Variants in ANO7 observed in about 807,000 individuals in gnomAD.
ANO7 encodes the protein anoctamin-7.
In ANO7, 114 loss-of-function variants were observed where a neutral mutation model predicts 115.8. The ratio of observed to expected loss-of-function variants is 0.98; its 90% confidence interval spans 0.85 to 1.15. The LOEUF is 1.15. Among genes scored for constraint, ANO7 ranks in the 50% most tolerant of loss-of-function variants. The pLI is 0.00. For missense variants in ANO7, 1,302 were observed against 1,201.2 expected, an observed-to-expected ratio of 1.08 and a Z score of -1.24; for synonymous variants, 550 against 498.2, an observed-to-expected ratio of 1.10 and a Z score of -1.38.
In ANO7 at chr2:241,218,260, T is replaced by C; in HGVS notation, c.2200T>C (p.Ser734Pro). Residue 734 changes from serine to proline, a missense_variant, in exon 21 of 25, where the codon TCC (serine) becomes CCC (proline). Physicochemically the swap from Ser to Pro is moderately conservative, Grantham distance 74. Coordinates refer to ENST00000674324, the MANE Select transcript of ANO7 (RefSeq NM_001370694.2). ...ISNAFLLAFS[S>P]DFLPRAYYRW... ...CCAGGCCTTCCTCCTGGCCTTCTCG[T>C]CCGACTTCCTGCCGCGCGCCTACTA... is the stretch of plus-strand genomic sequence containing the variant. The C allele has an allele frequency of 2.6e-6, 4 of 1,529,588 alleles. No individual in the cohort carries two copies. Among genetic ancestry groups the C allele is most frequent in the Non-Finnish European group, 3.5e-6 (4 of 1,145,628 alleles). The allele number at this position is 1,529,588 out of a possible 1,614,324, so 94.8% of individuals were successfully genotyped here.
the ANO7 span, chr2:241,239,772 G>T: frequency 1.2e-6 from 2 of 1,614,096 alleles, no homozygotes; most frequent in Non-Finnish European, 1.7e-6. This position sits in a 1 kb window ranked among gnomAD's most constrained non-coding sequence, Gnocchi z 4.6. Context: ...ATGACGAAGT[G>T]GCGGTGGTGC....
downstream of ANO7, chr2:241,230,834 C>T (rs757781048): frequency 2.3e-5 from 37 of 1,614,080 alleles, no homozygotes; most frequent in African/African-American, 1.2e-4. This position sits in a 1 kb window ranked among gnomAD's most constrained non-coding sequence, Gnocchi z 5.0. Flanking sequence ...GGTGGTCCAG[C>T]GGGACGTCCT....
chr2:241,229,124 TGGA>T (rs2069417320), downstream of ANO7: 1 of 165,282 alleles, frequency 6.1e-6, no homozygotes, highest in East Asian at 1.9e-4. Flanking sequence ...CTCTGGCAGC[TGGA>T]GGAGGCTGAT....
At chr2:241,223,413 C>T in intron 22 of ANO7, 137 bp downstream of exon 22, 1 of 1,128,174 alleles carries the variant, frequency 8.9e-7, no homozygotes, top group East Asian at 2.4e-5. Context: ...GAGCTCTTCT[C>T]TGCACCTGCG....
intron 18 of ANO7, 60 bp downstream of exon 18, chr2:241,214,962 G>T (rs2068792948): frequency 1.4e-6 from 2 of 1,478,930 alleles, no homozygotes; most frequent in Admixed American, 3.7e-5. Flanking sequence ...AGAGCACCTG[G>T]CAGTAGCAGC....
At chr2:241,239,289 T>C in the ANO7 span, among the ~76,000 whole-genome samples, 2 of 152,222 alleles carry the variant, frequency 1.3e-5, no homozygotes, top group Non-Finnish European at 2.9e-5. The surrounding 1 kb of genome is among the most constrained non-coding windows in gnomAD (Gnocchi z 4.6). Context: ...TCATTTTTCC[T>C]GATCCCTTAT....
the ANO7 span, chr2:241,233,896 T>A: frequency 1.2e-6 from 2 of 1,614,138 alleles, no homozygotes; most frequent in Non-Finnish European, 1.7e-6. This position sits in a 1 kb window ranked among gnomAD's most constrained non-coding sequence, Gnocchi z 4.3. Context: ...TACTGCCCCC[T>A]TTCTCCCGAT....
rs1028436654 is a variant in ANO7 at position 241,225,333 on chromosome 2, G to A, written c.*1180G>A. The A allele has an allele frequency of 2.0e-5, 3 of 152,272 alleles. No individual in the cohort carries two copies. The highest frequency in any genetic ancestry group is 7.2e-5 in the African/African-American group (3 of 41,544). The allele number at this position is 152,272 out of a possible 1,614,324, so 9.4% of individuals were successfully genotyped here. On this transcript the variant is annotated 3_prime_UTR_variant, in exon 25 of 25. Coordinates refer to ENST00000674324, the MANE Select transcript of ANO7 (RefSeq NM_001370694.2). The stretch of plus-strand genomic sequence containing the variant: ...AAGGTCAGGAGTTCGGGACTAGCCT[G>A]TCCAACATGGTGAAACCCTGTCTTT...
chr2:241,239,679 C>A, the ANO7 span: 1 of 1,614,186 alleles, frequency 6.2e-7, no homozygotes, highest in Admixed American at 1.7e-5. This position sits in a 1 kb window ranked among gnomAD's most constrained non-coding sequence, Gnocchi z 4.6. Flanking sequence ...GTGACTTTGT[C>A]GCTCTGTGTG....
At chr2:241,206,735 CATAGGTGGACAGGAGTGCTCCCAGCCTG>C (rs2068600434) in intron 10 of ANO7, among the ~76,000 whole-genome samples, 1 of 28,638 alleles carries the variant, frequency 3.5e-5, no homozygotes, top group African/African-American at 1.8e-4. Flanking sequence ...CCCAGGCTGA[CATAGGTGGACAGGAGTGCTCCCAGCCTG>C]ACAGGTGGAC....
intron 6 of ANO7, 101 bp downstream of exon 6, chr2:241,200,326 T>G (rs1313820458): frequency 6.8e-7 from 1 of 1,463,530 alleles, no homozygotes; most frequent in South Asian, 1.4e-5. Flanking sequence ...TCTCCTCACC[T>G]GGAGTTTTCG....
At chr2:241,196,466 C>T (rs2068332125) in intron 4 of ANO7, among the ~76,000 whole-genome samples, 1 of 152,254 alleles carries the variant, frequency 6.6e-6, no homozygotes, top group Admixed American at 6.5e-5. Context: ...CCTCCTCTGA[C>T]CACCTTCCTC....
In ANO7 at chr2:241,218,277, C is replaced by A. The variant is rs199499943; in HGVS notation, c.2217C>A (p.Arg739=). 4,300 of 1,534,354 alleles carry A rather than the reference C, an allele frequency of 2.8e-3. 17 individuals are homozygous for A. Among genetic ancestry groups the A allele is most frequent in the Non-Finnish European group, 3.3e-3 (3,760 of 1,148,138 alleles). ...LLAFSSDFLP[R]AYYRWTRAHD... Reference sequence around the variant, plus strand: ...CCTTCTCGTCCGACTTCCTGCCGCGCGCCTACTACCGGTGGACCCGCGCCC... The same window carrying A: ...CCTTCTCGTCCGACTTCCTGCCGCGAGCCTACTACCGGTGGACCCGCGCCC... Residue 739 remains arginine (R), a synonymous_variant, in exon 21 of 25, where the codon CGC becomes CGA. Coordinates refer to ENST00000674324, the MANE Select transcript of ANO7 (RefSeq NM_001370694.2).
chr2:241,232,998 A>G, the ANO7 span, among the ~76,000 whole-genome samples: 3 of 143,596 alleles, frequency 2.1e-5, no homozygotes, highest in African/African-American at 7.5e-5. Flanking sequence ...GGGGAAGGGG[A>G]AGGGGAAGCA....
the ANO7 span, among the ~76,000 whole-genome samples, chr2:241,233,439 T>A: frequency 6.6e-6 from 1 of 152,104 alleles, no homozygotes; most frequent in African/African-American, 2.4e-5. The surrounding 1 kb of genome is among the most constrained non-coding windows in gnomAD (Gnocchi z 4.3). Context: ...CAGAGAAATG[T>A]CCACCTGACC....
intron 2 of ANO7, 104 bp downstream of exon 2, chr2:241,190,275 C>T (rs1232047644): frequency 1.7e-5 from 17 of 978,408 alleles, no homozygotes; most frequent in East Asian, 5.4e-5. Flanking sequence ...ATGGGCATCA[C>T]CGTGTTTCTC....
rs11316209 is a variant in ANO7, at chr2:241,225,665, CG to C, written c.*1514del. On this transcript the variant is annotated 3_prime_UTR_variant, in exon 25 of 25. Transcript: ENST00000674324. Reference sequence around the variant, plus strand: ...CCCACCGTGATGCCTGGCCTGAGGGCGGCGTGCTTGCTTGTAGCATTTCTTG... The same window carrying C: ...CCCACCGTGATGCCTGGCCTGAGGGCGCGTGCTTGCTTGTAGCATTTCTTG... Among the ~76,000 whole-genome samples the C allele has an allele frequency of 0.13, 19,303 of 152,182 alleles. 1,436 individuals carry two copies. The highest frequency in any genetic ancestry group is 0.21 in the African/African-American group (8,516 of 41,488).
At chr2:241,230,322 T>A, downstream of ANO7, 1 of 1,063,010 alleles carries the variant, frequency 9.4e-7, no homozygotes, top group Non-Finnish European at 1.4e-6. This position sits in a 1 kb window ranked among gnomAD's most constrained non-coding sequence, Gnocchi z 5.0. Flanking sequence ...GGAAAAGGGT[T>A]AAAATTATGT....
At chr2:241,200,638 C>T (rs774341379) in intron 6 of ANO7, among the ~76,000 whole-genome samples, 23 of 152,256 alleles carry the variant, frequency 1.5e-4, no homozygotes, top group East Asian at 5.8e-4. Context: ...GGAAACGACA[C>T]GTGTGTCGTC....
Sources: allele counts gnomAD v4.1 joint callset (sites outside exome capture counted in the v4.1 genomes callset), GRCh38; gene constraint gnomAD v4.1.1; non-coding constraint Gnocchi (gnomAD v3.1); transcripts MANE v1.5; gene names NCBI Gene and HGNC (gene_info 2026-07-23, HGNC 2026-07-21).